WDR4: variants seen among roughly 807,000 people sequenced by gnomAD.
The protein encoded by WDR4 is tRNA (guanine-N(7)-)-methyltransferase non-catalytic subunit WDR4.
Under a neutral mutation model 48.6 loss-of-function variants are expected in WDR4, and 47 were observed. That is an observed-to-expected ratio of 0.97 (90% confidence interval 0.77 to 1.23). The LOEUF (loss-of-function observed/expected upper bound fraction) is 1.23. Among genes scored for constraint, WDR4 ranks in the 50% most tolerant of loss-of-function variants. The pLI, the probability that WDR4 is intolerant of heterozygous loss-of-function variation, is 0.00. For synonymous variants in WDR4, 268 were observed against 230.0 expected (o/e 1.17, Z -1.49); for missense variants, 606 against 551.6 (o/e 1.10, Z -0.99).
chr21:42,858,286 G>A (rs559916205), intron 6 of WDR4, among the ~76,000 whole-genome samples: 19 of 152,202 alleles, frequency 1.2e-4, no homozygotes, highest in South Asian at 4.1e-4. Flanking sequence ...CTTTCACATC[G>A]CACACTGGAG....
At position 42,862,288 on chromosome 21, in the gene WDR4, T is replaced by C. The variant is rs766090905; in HGVS notation, c.560A>G (p.His187Arg). 5.0e-6 allele frequency: 8 copies of C among 1,607,048 alleles called. No individual in the cohort carries two copies. In the African/African-American group the frequency reaches 1.1e-4, roughly 21 times the overall value. ...PHSIESFCLG[H>R]TEFVSRISVV... is the part of the protein sequence containing the mutation. ...GGCAGGAAGGGGCACTCACTCTGTG[T>C]GCCCCAAGCAGAAGGACTCGATGCT... is the stretch of plus-strand genomic sequence containing the variant. The change falls in exon 5 of 11, where the codon CAC becomes CGC. Residue 187 changes from histidine to arginine, a missense_variant. Transcript: ENST00000398208. This position sits in a 1 kb window ranked among gnomAD's most constrained non-coding sequence, Gnocchi z 4.3.
downstream of WDR4, among the ~76,000 whole-genome samples, chr21:42,848,006 C>T (rs1347006428): frequency 1.3e-5 from 2 of 152,248 alleles, no homozygotes; most frequent in African/African-American, 4.8e-5. Flanking sequence ...CCTTCTGAAA[C>T]CCCTGATCCC....
intron 1 of WDR4, chr21:42,878,880 A>G: frequency 2.3e-6 from 2 of 876,874 alleles, no homozygotes; most frequent in Non-Finnish European, 2.7e-6. Flanking sequence ...AGGAGCAATT[A>G]AGGCCAGGTG....
At chr21:42,861,436 C>T (rs2058114860) in intron 5 of WDR4, among the ~76,000 whole-genome samples, 1 of 151,886 alleles carries the variant, frequency 6.6e-6, no homozygotes, top group East Asian at 1.9e-4. Flanking sequence ...TGAAGCATTT[C>T]CCTAGAAGGG....
At chr21:42,883,314 CTTTTTT>C (rs11340340), upstream of WDR4, among the ~76,000 whole-genome samples, 1 of 119,482 alleles carries the variant, frequency 8.4e-6, no homozygotes, top group African/African-American at 3.4e-5. Flanking sequence ...AGAAGTTACC[CTTTTTT>C]TTTTTTTTTT....
rs779342342 is a variant in WDR4 at position 42,879,397 on chromosome 21, G to A, written c.89+10C>T. 9 of 1,612,902 alleles carry A rather than the reference G, an allele frequency of 5.6e-6. No individual in the cohort carries two copies. In the Admixed American group the frequency reaches 8.3e-5, roughly 15 times the overall value. On this transcript the variant is annotated intron_variant, in intron 1 of 10. Transcript: ENST00000398208. ...CTGGTCTCCCTGTTCCAAGACCAAG[G>A]CCCCCTCACCTGCTTGCTATGGAGG...
At position 42,864,096 on chromosome 21, in the gene WDR4, A is replaced by G. The variant is rs551545380; in HGVS notation, c.297-500T>C. 1.3e-3 allele frequency among the ~76,000 whole-genome samples: 92 copies of G among 70,168 alleles called. 2 individuals are homozygous for G. Among genetic ancestry groups the G allele is most frequent in the Non-Finnish European group, 1.9e-3 (72 of 37,576 alleles). The allele number at this position is 70,168 out of a possible 152,430, so 46.0% of individuals were successfully genotyped here. ...CACTCCAGCCTGGGGCGACAGAGCG[A>G]GACTCCGTCTCAAAAAAAAAAAAAA... On this transcript the variant is annotated intron_variant, in intron 3 of 10. Coordinates refer to ENST00000398208, the MANE Select transcript of WDR4 (RefSeq NM_018669.6).
chr21:42,889,631 GT>G, the WDR4 span, among the ~76,000 whole-genome samples: 91,336 of 151,976 alleles, frequency 0.6, 28,213 homozygotes, highest in African/African-American at 0.71. Flanking sequence ...CTACTTCTCT[GT>G]TTTTTTTGGA....
At chr21:42,878,054 A>G (rs1700676229) in intron 1 of WDR4, among the ~76,000 whole-genome samples, 1 of 151,616 alleles carries the variant, frequency 6.6e-6, no homozygotes, top group Non-Finnish European at 1.5e-5. Flanking sequence ...AAAAAAAAAA[A>G]AAGAAAAAAA....
chr21:42,880,944 T>TG (rs917702090), upstream of WDR4, among the ~76,000 whole-genome samples: 3 of 151,796 alleles, frequency 2.0e-5, no homozygotes, highest in Non-Finnish European at 4.4e-5. Flanking sequence ...CTTTTTTTTT[T>TG]TTTTAGACGG....
intron 2 of WDR4, among the ~76,000 whole-genome samples, chr21:42,874,234 TG>T (rs2058436701): frequency 6.6e-6 from 1 of 152,244 alleles, no homozygotes; most frequent in East Asian, 1.9e-4. Context: ...ACATAAATTG[TG>T]AAGATTTCAT....
At chr21:42,869,718 T>A (rs2058326724) in intron 3 of WDR4, among the ~76,000 whole-genome samples, 1 of 152,098 alleles carries the variant, frequency 6.6e-6, no homozygotes, top group African/African-American at 2.4e-5. Context: ...TATAAAGAGT[T>A]GCTCTTCTGG....
chr21:42,892,972 G>A, the WDR4 span, among the ~76,000 whole-genome samples: 1 of 152,278 alleles, frequency 6.6e-6, no homozygotes, highest in Admixed American at 6.5e-5. Flanking sequence ...GGGCAAAGAA[G>A]TGCGAAGCGT....
At position 42,873,703 on chromosome 21, in the gene WDR4, A is replaced by G. The variant is rs747328630; in HGVS notation, c.156-12T>C. On this transcript the variant is annotated splice_polypyrimidine_tract_variant and intron_variant, in intron 2 of 10. Coordinates refer to ENST00000398208, the MANE Select transcript of WDR4 (RefSeq NM_018669.6). ...AGGGCGCGTCCTCCCTGAGGAAGAG[A>G]GGAGGAAGACGGTTAAGCTTCACCT... 6.2e-7 allele frequency: 1 copy of G among 1,612,194 alleles called. No homozygotes were observed. The highest frequency in any genetic ancestry group is 2.2e-5 in the East Asian group (1 of 44,848).
At chr21:42,854,213 C>T (rs1400436096) in intron 8 of WDR4, among the ~76,000 whole-genome samples, 2 of 152,248 alleles carry the variant, frequency 1.3e-5, no homozygotes, top group African/African-American at 2.4e-5. Context: ...TTGTCAGCAC[C>T]GCCAACCCCA....
At chr21:42,859,610 T>TC in intron 6 of WDR4, 52 bp downstream of exon 6, 1 of 240,536 alleles carries the variant, frequency 4.2e-6, no homozygotes, top group Non-Finnish European at 8.0e-6. Context: ...CACCCCACCC[T>TC]CCCTGCAGGC....
intron 3 of WDR4, among the ~76,000 whole-genome samples, chr21:42,870,341 ACT>A (rs948980257): frequency 5.3e-5 from 8 of 152,082 alleles, no homozygotes; most frequent in African/African-American, 9.7e-5. Context: ...ACAGAGCGAG[ACT>A]CTGTCTCAAA....
upstream of WDR4, among the ~76,000 whole-genome samples, chr21:42,880,934 C>CT (rs33934531): frequency 0.4 from 57,832 of 143,118 alleles, 12,553 homozygotes; most frequent in African/African-American, 0.59. Flanking sequence ...TCCCACTAGT[C>CT]TTTTTTTTTT....
chr21:42,890,650 G>A, the WDR4 span, among the ~76,000 whole-genome samples: 1 of 152,162 alleles, frequency 6.6e-6, no homozygotes, highest in African/African-American at 2.4e-5. Context: ...ACACTTTTAA[G>A]GTTTTGTGTT....
Sources: allele counts gnomAD v4.1 joint callset (sites outside exome capture counted in the v4.1 genomes callset), GRCh38; gene constraint gnomAD v4.1.1; non-coding constraint Gnocchi (gnomAD v3.1); transcripts MANE v1.5; gene names NCBI Gene and HGNC (gene_info 2026-07-23, HGNC 2026-07-21).